The following DDO variants were observed in gnomAD, a reference collection of about 807,000 sequenced individuals.
The protein encoded by DDO is D-aspartate oxidase, DDO.
In DDO, 16 loss-of-function variants were observed where a neutral mutation model predicts 16.8. That is an observed-to-expected ratio of 0.95 (90% CI 0.65 to 1.45). DDO has a LOEUF of 1.45. Ranked by LOEUF, DDO falls within the 40% of genes most tolerant of loss-of-function variation. The pLI is 0.00. For missense variants in DDO, 429 were observed against 420.3 expected (o/e 1.02, Z -0.18); for synonymous variants, 180 against 167.2 (o/e 1.08, Z -0.59).
At chr6:110,398,420 ACACACACTT>A (rs1562260053) in intron 4 of DDO, among the ~76,000 whole-genome samples, 2,521 of 138,584 alleles carry the variant, frequency 0.018, 78 homozygotes, top group African/African-American at 0.082. Context: ...ACACACACAC[ACACACACTT>A]GGCCTCCCAG....
At chr6:110,400,136 G>A (rs919651552) in intron 4 of DDO, among the ~76,000 whole-genome samples, 2 of 152,222 alleles carry the variant, frequency 1.3e-5, no homozygotes, top group African/African-American at 4.8e-5. Context: ...GTTGACCCAG[G>A]CCTTCCTGCC....
At chr6:110,413,561 G>A in intron 1 of DDO, 95 bp from the exon 2 acceptor site, 8 of 1,296,848 alleles carry the variant, frequency 6.2e-6, no homozygotes, top group African/African-American at 1.5e-5. Flanking sequence ...TAGGTCTTCA[G>A]CCACTCAGAA....
intron 4 of DDO, among the ~76,000 whole-genome samples, chr6:110,397,311 T>C (rs1582473413): frequency 6.6e-6 from 1 of 152,248 alleles, no homozygotes; most frequent in South Asian, 2.1e-4. Flanking sequence ...TACCTGTATA[T>C]CACTTATGTT....
Position 110,393,170 on chromosome 6 carries a change from C to A in DDO, c.631G>T (p.Val211Leu). ...CTGCCATCTCGGATAAAATGCTCCA[C>A]CCAGGGAGCCTGAACTTGGAGGACT... is the stretch of plus-strand genomic sequence containing the variant. ...GQVLQVQAPW[V>L]EHFIRDGSGL... Residue 211 changes from valine to leucine, a missense_variant, in exon 5 of 5, where the codon GTG becomes TTG. Val to Leu is a conservative substitution (Grantham distance 32, BLOSUM62 1). Coordinates refer to ENST00000368924, the MANE Select transcript of DDO (RefSeq NM_001372108.2). 6.2e-7 allele frequency: 1 copy of A among 1,614,242 alleles called. No homozygotes were observed. Among genetic ancestry groups the A allele is most frequent in the Non-Finnish European group, 8.5e-7 (1 of 1,180,036 alleles).
Position 110,392,136 on chromosome 6 carries a change from GC to G in DDO, c.*638del, listed in dbSNP as rs1387118074. 1.0e-6 allele frequency: 1 copy of G among 970,164 alleles called. No homozygotes were observed. Among genetic ancestry groups the G allele is most frequent in the Non-Finnish European group, 1.2e-6 (1 of 816,142 alleles). The allele number at this position is 970,164 out of a possible 1,614,324, so 60.1% of individuals were successfully genotyped here. Reference sequence around the variant, plus strand: ...GAAAAGCTTGCTGCTAGTACTAGGAGCAAGCATGCTTTGTCTTCAATTAAAT... The same window carrying G: ...GAAAAGCTTGCTGCTAGTACTAGGAGAAGCATGCTTTGTCTTCAATTAAAT... On this transcript the variant is annotated 3_prime_UTR_variant, in exon 5 of 5. Transcript: ENST00000368924.
intron 3 of DDO, 144 bp from the exon 4 acceptor site, chr6:110,405,094 T>A: frequency 3.7e-6 from 3 of 815,816 alleles, no homozygotes; most frequent in Non-Finnish European, 5.7e-6. Context: ...GGGAGTGCAG[T>A]GGCACAATCA....
intron 4 of DDO, among the ~76,000 whole-genome samples, chr6:110,396,847 A>G (rs1773306803): frequency 6.6e-6 from 1 of 152,222 alleles, no homozygotes; most frequent in Non-Finnish European, 1.5e-5. Context: ...TTAAACATGT[A>G]ATAATAGATA....
chr6:110,411,391 C>T (rs114976695), intron 2 of DDO, among the ~76,000 whole-genome samples: 8 of 152,194 alleles, frequency 5.3e-5, no homozygotes, highest in African/African-American at 1.9e-4. Context: ...AAACAAAAAC[C>T]TCCCACAATT....
At chr6:110,414,538 C>G (rs182488262) in intron 1 of DDO, among the ~76,000 whole-genome samples, 1 of 152,268 alleles carries the variant, frequency 6.6e-6, no homozygotes, top group African/African-American at 2.4e-5. Flanking sequence ...GGCTGGCACC[C>G]TCTGTCCCAC....
chr6:110,391,698 C>G (rs1194135357), downstream of DDO: 1 of 152,200 alleles, frequency 6.6e-6, no homozygotes, highest in African/African-American at 2.4e-5. Context: ...ATTTTCCGTC[C>G]ACCCAAGCTC....
chr6:110,392,997 G>T lies in DDO; in HGVS notation c.804C>A (p.Ala268=), dbSNP rs1417667874. 1 of 1,611,640 alleles carries T rather than the reference G, an allele frequency of 6.2e-7. No individual in the cohort carries two copies. The highest frequency in any genetic ancestry group is 1.1e-5 in the South Asian group (1 of 91,040). Residue 268 remains alanine (A), a synonymous_variant, in exon 5 of 5, where the codon GCC becomes GCA. Transcript: ENST00000368924. ...AGCCCACCTTCTCCCTGATGTTGCA[G>T]GCTCCGTGGAGGGAGGGCTCCAGAG... is the stretch of plus-strand genomic sequence containing the variant. ...CCALEPSLHG[A]CNIREKVGLR...
intron 4 of DDO, among the ~76,000 whole-genome samples, chr6:110,395,048 C>T (rs1471991215): frequency 6.6e-6 from 1 of 152,166 alleles, no homozygotes; most frequent in African/African-American, 2.4e-5. Flanking sequence ...TTTGGACCTG[C>T]TATGGTTAAT....
At chr6:110,395,812 G>A (rs975667095) in intron 4 of DDO, among the ~76,000 whole-genome samples, 1 of 152,176 alleles carries the variant, frequency 6.6e-6, no homozygotes, top group Non-Finnish European at 1.5e-5. Flanking sequence ...TGGTTGGAAA[G>A]TTTAACTGCA....
chr6:110,407,857 C>T (rs1313068407), intron 3 of DDO, among the ~76,000 whole-genome samples: 2 of 152,078 alleles, frequency 1.3e-5, no homozygotes, highest in Non-Finnish European at 2.9e-5. Context: ...TTCCACATGG[C>T]ACTTCAAAAG....
chr6:110,398,518 G>A lies in DDO; in HGVS notation c.459-5176C>T, dbSNP rs986062211. Among the ~76,000 whole-genome samples, 7 of 152,094 alleles carry A rather than the reference G, an allele frequency of 4.6e-5. No homozygotes were observed. The East Asian group carries it at 5.8e-4, about 13-fold the overall frequency. ...ACTCCACTGAAGCTGAAGCCATGGC[G>A]AGAAAGGAATCTCAGGTAGCACTAA... is the stretch of plus-strand genomic sequence containing the variant. On this transcript the variant is annotated intron_variant, in intron 4 of 4. Transcript: ENST00000368924.
intron 4 of DDO, among the ~76,000 whole-genome samples, chr6:110,404,447 T>C (rs1773579651): frequency 6.6e-6 from 1 of 152,224 alleles, no homozygotes; most frequent in Non-Finnish European, 1.5e-5. Context: ...TTCTCCAAAC[T>C]GTTCCATTTT....
intron 2 of DDO, among the ~76,000 whole-genome samples, chr6:110,412,482 C>A (rs1231515794): frequency 6.6e-6 from 1 of 152,178 alleles, no homozygotes; most frequent in Non-Finnish European, 1.5e-5. Context: ...CTTCTGCTAT[C>A]CATCTTCCGG....
At chr6:110,390,770 C>T (rs186627140), downstream of DDO, among the ~76,000 whole-genome samples, 1 of 152,318 alleles carries the variant, frequency 6.6e-6, no homozygotes, top group Admixed American at 6.5e-5. Context: ...ATTATTTCCT[C>T]CTTTAAAAAA....
At chr6:110,408,226 A>C (rs888223812) in intron 3 of DDO, 108 bp downstream of exon 3, 10 of 1,002,616 alleles carry the variant, frequency 1.0e-5, no homozygotes, top group South Asian at 1.5e-5. Context: ...CCTGCATCTA[A>C]GTCAGCACTC....
Sources: gnomAD v4.1 joint callset for allele counts (sites outside exome capture counted in the v4.1 genomes callset) on GRCh38, gnomAD v4.1.1 for gene constraint, MANE v1.5 for transcripts, NCBI Gene and HGNC (gene_info 2026-07-23, HGNC 2026-07-21) for gene names.